Variants in MAOA observed in about 807,000 individuals in gnomAD.
The protein encoded by MAOA is amine oxidase [flavin-containing] A.
MAOA carries 6 observed loss-of-function variants against 42.0 expected under a neutral mutation model. That is an observed-to-expected ratio of 0.14 (90% confidence interval 0.08 to 0.28). The LOEUF is 0.28. Among genes scored for constraint, MAOA ranks in the 10% least tolerant of loss-of-function variants. The pLI, the probability that MAOA is intolerant of heterozygous loss-of-function variation, is 1.00. For synonymous variants in MAOA, 140 were observed against 154.0 expected (o/e 0.91, Z 0.67); for missense variants, 262 against 422.3 (o/e 0.62, Z 3.33).
At chrX:43,723,007 G>A (rs1333615578) in intron 5 of MAOA, among the ~76,000 whole-genome samples, 1 of 111,051 alleles carries the variant, frequency 9.0e-6, no homozygotes, top group Non-Finnish European at 1.9e-5. Context: ...GATGTGTGGT[G>A]TTATTTCTGA....
At chrX:43,684,370 A>G in intron 2 of MAOA, among the ~76,000 whole-genome samples, 1 of 111,165 alleles carries the variant, frequency 9.0e-6, no homozygotes, top group Non-Finnish European at 1.9e-5. Flanking sequence ...GGAAGGAAAT[A>G]GGGGCAAAGA....
chrX:43,720,950 T>C (rs2033784076), intron 5 of MAOA, among the ~76,000 whole-genome samples: 1 of 110,752 alleles, frequency 9.0e-6, no homozygotes, highest in Non-Finnish European at 1.9e-5. Context: ...GATACTGTCT[T>C]CTAGGAATGA....
At chrX:43,727,581 A>G (rs1235529940) in intron 5 of MAOA, among the ~76,000 whole-genome samples, 1 of 112,682 alleles carries the variant, frequency 8.9e-6, no homozygotes, top group African/African-American at 3.2e-5. Flanking sequence ...AAGCCAATGG[A>G]TATTAGCTTG....
chrX:43,673,473 C>G (rs1416288566), intron 1 of MAOA, among the ~76,000 whole-genome samples: 1 of 105,592 alleles, frequency 9.5e-6, no homozygotes, highest in African/African-American at 3.5e-5. Flanking sequence ...TTAGTTATTT[C>G]TTGCCTTCTG....
chrX:43,669,610 G>C (rs1214310380), intron 1 of MAOA, among the ~76,000 whole-genome samples: 1 of 110,239 alleles, frequency 9.1e-6, no homozygotes, highest in Non-Finnish European at 1.9e-5. Context: ...GCATTGATTA[G>C]TACTTGCCCA....
intron 3 of MAOA, among the ~76,000 whole-genome samples, chrX:43,694,925 T>TAC (rs1382708571): frequency 8.9e-6 from 1 of 112,020 alleles, no homozygotes; most frequent in Non-Finnish European, 1.9e-5. Flanking sequence ...GTTTTTAGTT[T>TAC]ACCTGGAGGC....
chrX:43,740,809 T>G (rs1601950422), intron 11 of MAOA, 71 bp downstream of exon 11: 1 of 965,852 alleles, frequency 1.0e-6, no homozygotes, highest in East Asian at 3.5e-5. Flanking sequence ...GCAAAGCATA[T>G]TCTGATTTTT....
At chrX:43,696,771 C>T (rs764261224) in intron 3 of MAOA, among the ~76,000 whole-genome samples, 65 of 111,468 alleles carry the variant, frequency 5.8e-4, no homozygotes, top group African/African-American at 2.0e-3. Flanking sequence ...TAAAAAACAA[C>T]CAAACAAACA....
intron 1 of MAOA, among the ~76,000 whole-genome samples, chrX:43,662,584 G>A (rs2033244259): frequency 9.0e-6 from 1 of 111,483 alleles, no homozygotes; most frequent in Admixed American, 9.6e-5. Context: ...CATTATTGGT[G>A]AATATTGGGT....
chrX:43,687,851 T>C (rs750482739), intron 2 of MAOA, among the ~76,000 whole-genome samples: 2 of 112,865 alleles, frequency 1.8e-5, no homozygotes, highest in East Asian at 5.6e-4. Context: ...CCGTTGGCCC[T>C]GCCTTCAAAA....
At chrX:43,709,796 A>T (rs1472470784) in intron 3 of MAOA, among the ~76,000 whole-genome samples, 1 of 111,788 alleles carries the variant, frequency 8.9e-6, no homozygotes, top group South Asian at 3.7e-4. Context: ...AGTATGTATT[A>T]GCATTTTCCA....
chrX:43,732,812 T>C lies in MAOA; in HGVS notation c.1052+17T>C. The stretch of plus-strand genomic sequence containing the variant: ...CATCATGGGGTAGGTTAGAGCAGGG[T>C]GTTCTGCATTTTCCAAATTGTGTTG... On this transcript the variant is annotated intron_variant, in intron 9 of 14. Transcript: ENST00000338702. 9.0e-7 allele frequency: 1 copy of C among 1,107,161 alleles called. No homozygotes were observed. 91.2% of individuals were successfully genotyped at this position (1,107,161 alleles called of 1,213,427 possible). A position where few individuals can be genotyped will look rare whatever the true frequency, so the allele number is the denominator to read the frequency against.
intron 5 of MAOA, among the ~76,000 whole-genome samples, chrX:43,719,451 G>A (rs1057394953): frequency 1.8e-5 from 2 of 111,216 alleles, no homozygotes; most frequent in African/African-American, 6.6e-5. Context: ...GGGGGATACC[G>A]GAAGGGTGGA....
chrX:43,733,769 C>A (rs1203681369), intron 9 of MAOA, among the ~76,000 whole-genome samples: 1 of 111,704 alleles, frequency 9.0e-6, no homozygotes, highest in East Asian at 2.8e-4. Flanking sequence ...GGAGCAGACC[C>A]ACATCCCAGG....
At position 43,744,319 on chromosome X, in the gene MAOA, C is replaced by T. The variant is rs1385240152; in HGVS notation, c.1438-48C>T. ...ATGGATCTTGCAGTGTTTTGTTCCT[C>T]CTTGTCAGCATGAGTTTTTTGCTCA... On this transcript the variant is annotated intron_variant, in intron 14 of 14. Transcript: ENST00000338702. The T allele has an allele frequency of 2.5e-6, 3 of 1,201,278 alleles. No individual in the cohort carries two copies. In the Admixed American group the frequency reaches 6.5e-5, roughly 26 times the overall value.
intron 1 of MAOA, among the ~76,000 whole-genome samples, chrX:43,664,002 A>G (rs1052045655): frequency 1.8e-5 from 2 of 112,292 alleles, no homozygotes; most frequent in East Asian, 2.8e-4. Context: ...TCTCCTCTGC[A>G]CCAGGCCAAT....
chrX:43,738,810 G>T (rs1239376741), intron 10 of MAOA, among the ~76,000 whole-genome samples: 1 of 111,730 alleles, frequency 9.0e-6, no homozygotes, highest in Non-Finnish European at 1.9e-5. Context: ...GACAGAGTGA[G>T]ACCCTATCTC....
intron 1 of MAOA, among the ~76,000 whole-genome samples, chrX:43,673,393 C>T (rs2033356327): frequency 9.1e-6 from 1 of 109,609 alleles, no homozygotes; most frequent in Non-Finnish European, 1.9e-5. Context: ...AAAACCAGCT[C>T]CTGGATTCGT....
At chrX:43,674,915 A>G (rs1400260346) in intron 1 of MAOA, among the ~76,000 whole-genome samples, 19 of 109,915 alleles carry the variant, frequency 1.7e-4, no homozygotes, top group African/African-American at 6.0e-4. Flanking sequence ...GAATCTGACA[A>G]TTATGTGTCT....
Sources: allele counts gnomAD v4.1 joint callset (sites outside exome capture counted in the v4.1 genomes callset), GRCh38; gene constraint gnomAD v4.1.1; transcripts MANE v1.5; gene names NCBI Gene and HGNC (gene_info 2026-07-23, HGNC 2026-07-21).